Variants in UNC5C observed in about 807,000 individuals in gnomAD.
The protein encoded by UNC5C is netrin receptor UNC5C.
Under a neutral mutation model 99.8 loss-of-function variants are expected in UNC5C, and 47 were observed. The ratio of observed to expected loss-of-function variants is 0.47; its 90% CI spans 0.37 to 0.60. The LOEUF is 0.60. UNC5C is among the 20% of genes least tolerant of loss of function. UNC5C has a pLI of 0.00. For synonymous variants in UNC5C, 487 were observed against 452.2 expected, an observed-to-expected ratio of 1.08 and a Z score of -0.98; for missense variants, 1,062 against 1,165.9, an observed-to-expected ratio of 0.91 and a Z score of 1.30.
intron 1 of UNC5C, among the ~76,000 whole-genome samples, chr4:95,435,193 C>A (rs890260614): frequency 6.6e-6 from 1 of 152,054 alleles, no homozygotes; most frequent in Admixed American, 6.6e-5. Context: ...ATATCCCTTT[C>A]AAGTAAGGTG....
At chr4:95,299,853 C>T (rs1232868068) in intron 3 of UNC5C, among the ~76,000 whole-genome samples, 1 of 152,132 alleles carries the variant, frequency 6.6e-6, no homozygotes, top group Non-Finnish European at 1.5e-5. Flanking sequence ...GGGTGGGACA[C>T]AGAACCAAAC....
chr4:95,278,809 GCA>G (rs1314072119), intron 3 of UNC5C, among the ~76,000 whole-genome samples: 1 of 152,112 alleles, frequency 6.6e-6, no homozygotes, highest in African/African-American at 2.4e-5. Flanking sequence ...CATGTTGTTA[GCA>G]CTTTACTATA....
intron 1 of UNC5C, among the ~76,000 whole-genome samples, chr4:95,339,414 T>G (rs760806317): frequency 5.9e-5 from 9 of 152,052 alleles, no homozygotes; most frequent in African/African-American, 2.2e-4. Context: ...GTAGACTGTT[T>G]ACTGAGATCA....
At chr4:95,345,446 C>A (rs1201768590) in intron 1 of UNC5C, among the ~76,000 whole-genome samples, 1 of 151,912 alleles carries the variant, frequency 6.6e-6, no homozygotes, top group Non-Finnish European at 1.5e-5. Flanking sequence ...TTGCACAGAT[C>A]ATCCAGATGG....
rs564365122 is a variant in UNC5C, at chr4:95,329,547, A to G, written c.346+5863T>C. On this transcript the variant is annotated intron_variant, in intron 2 of 15. Coordinates refer to ENST00000453304, the MANE Select transcript of UNC5C (RefSeq NM_003728.4). ...TGCCTTTAATCAACACTACATATTA[A>G]CAAATGTTTGGATCCTGATGACATC... is the stretch of plus-strand genomic sequence containing the variant. Among the ~76,000 whole-genome samples the G allele has an allele frequency of 8.5e-5, 13 of 152,252 alleles. No individual in the cohort carries two copies. In the East Asian group the frequency reaches 2.5e-3, roughly 29 times the overall value.
intron 12 of UNC5C, among the ~76,000 whole-genome samples, chr4:95,200,882 G>A (rs564769489): frequency 1.2e-4 from 18 of 151,920 alleles, no homozygotes; most frequent in South Asian, 6.2e-4. Context: ...AAATTCATAC[G>A]TTGTAATCCT....
At chr4:95,393,849 TG>T (rs1745429640) in intron 1 of UNC5C, among the ~76,000 whole-genome samples, 2 of 130,890 alleles carry the variant, frequency 1.5e-5, no homozygotes, top group Admixed American at 7.6e-5. Context: ...TACAATCTAC[TG>T]TTTTTTTTTT....
rs78617607 is a variant in UNC5C, at chr4:95,432,708, T to C, written c.125-97077A>G. ...TTACTGATTTAATAAAGAAACTCTG[T>C]CTTCTGACCTCAAAGGGTCAATAAG... On this transcript the variant is annotated intron_variant, in intron 1 of 15. Coordinates refer to ENST00000453304, the MANE Select transcript of UNC5C (RefSeq NM_003728.4). Among the ~76,000 whole-genome samples, 858 of 152,238 alleles carry C rather than the reference T, an allele frequency of 5.6e-3. 15 individuals are homozygous for C. In the East Asian group the frequency reaches 0.056, roughly 10 times the overall value.
chr4:95,266,790 T>C (rs1482572601), intron 4 of UNC5C, among the ~76,000 whole-genome samples: 1 of 152,208 alleles, frequency 6.6e-6, no homozygotes, highest in Non-Finnish European at 1.5e-5. Context: ...TCAGTTTAAA[T>C]TTTTATTTAT....
At chr4:95,374,731 G>T (rs1744842658) in intron 1 of UNC5C, among the ~76,000 whole-genome samples, 1 of 152,086 alleles carries the variant, frequency 6.6e-6, no homozygotes, top group Non-Finnish European at 1.5e-5. Context: ...GCCCAGGGTG[G>T]CAGGCCATCT....
At chr4:95,543,670 G>T (rs994122517) in intron 1 of UNC5C, among the ~76,000 whole-genome samples, 6 of 152,080 alleles carry the variant, frequency 3.9e-5, no homozygotes, top group African/African-American at 1.2e-4. Context: ...GAAATCCTGG[G>T]GTGTACCTTT....
intron 1 of UNC5C, among the ~76,000 whole-genome samples, chr4:95,414,501 T>C (rs533714788): frequency 1.5e-3 from 231 of 152,318 alleles, no homozygotes; most frequent in Middle Eastern, 3.4e-3. Context: ...TATTGGCAGA[T>C]GATGGCAAAA....
chr4:95,215,269 A>G (rs751517732), intron 10 of UNC5C, among the ~76,000 whole-genome samples: 1 of 152,352 alleles, frequency 6.6e-6, no homozygotes, highest in South Asian at 2.1e-4. Flanking sequence ...TGAGGAGCCG[A>G]TGCTCTTCCC....
chr4:95,460,578 T>C (rs752227239), intron 1 of UNC5C, among the ~76,000 whole-genome samples: 31 of 152,158 alleles, frequency 2.0e-4, no homozygotes, highest in Admixed American at 5.2e-4. Context: ...GCTCTCATTC[T>C]CTCTTGCCTG....
rs147747365 is a variant in UNC5C, at chr4:95,417,227, A to T, written c.125-81596T>A. Reference sequence around the variant, plus strand: ...CTTAGAGCTTCAATGGCACACCGGAAAATGAACTGCACATGGAAATGATTT... The same window carrying T: ...CTTAGAGCTTCAATGGCACACCGGATAATGAACTGCACATGGAAATGATTT... On this transcript the variant is annotated intron_variant, in intron 1 of 15. Transcript: ENST00000453304. Among the ~76,000 whole-genome samples, 506 of 152,314 alleles carry T rather than the reference A, an allele frequency of 3.3e-3. 1 individual carries two copies. Among genetic ancestry groups the T allele is most frequent in the African/African-American group, 0.011 (475 of 41,562 alleles).
At chr4:95,466,511 G>C (rs1747783440) in intron 1 of UNC5C, among the ~76,000 whole-genome samples, 1 of 152,030 alleles carries the variant, frequency 6.6e-6, no homozygotes, top group Non-Finnish European at 1.5e-5. Flanking sequence ...AACATTATTA[G>C]AAGCAGAGCA....
At chr4:95,339,793 C>T (rs527372390) in intron 1 of UNC5C, among the ~76,000 whole-genome samples, 31 of 152,162 alleles carry the variant, frequency 2.0e-4, no homozygotes, top group African/African-American at 6.0e-4. Flanking sequence ...TTGTGAAACA[C>T]GTTTTGTACA....
chr4:95,492,216 T>C (rs932079782), intron 1 of UNC5C, among the ~76,000 whole-genome samples: 2 of 151,488 alleles, frequency 1.3e-5, no homozygotes, highest in Admixed American at 6.6e-5. Flanking sequence ...TACACTATCT[T>C]AATTAATTTA....
chr4:95,356,226 A>AAAAAAAAAAAAAAAAAC (rs1371053400), intron 1 of UNC5C, among the ~76,000 whole-genome samples: 3 of 144,712 alleles, frequency 2.1e-5, no homozygotes, highest in Non-Finnish European at 4.6e-5. Flanking sequence ...AACAAAAAAA[A>AAAAAAAAAAAAAAAAAC]AACAGATTCC....
Sources: allele counts gnomAD v4.1 joint callset (sites outside exome capture counted in the v4.1 genomes callset), GRCh38; gene constraint gnomAD v4.1.1; transcripts MANE v1.5; gene names NCBI Gene and HGNC (gene_info 2026-07-23, HGNC 2026-07-21).